Variants in PIK3R5 observed in about 807,000 individuals in gnomAD.
The protein encoded by PIK3R5 is phosphoinositide-3-kinase regulatory subunit 5.
Under a neutral mutation model 94.9 loss-of-function variants are expected in PIK3R5, and 32 were observed. The ratio of observed to expected loss-of-function variants is 0.34; its 90% confidence interval spans 0.25 to 0.45. PIK3R5 has a LOEUF of 0.45. Ranked by LOEUF, PIK3R5 falls within the 20% of genes least tolerant of loss-of-function variation. PIK3R5 has a pLI of 1.00. For missense variants in PIK3R5, 853 were observed against 1,144.6 expected (o/e 0.75, Z 3.68); for synonymous variants, 443 against 479.4 (o/e 0.92, Z 0.99).
At chr17:8,901,277 T>C (rs986808325) in intron 5 of PIK3R5, among the ~76,000 whole-genome samples, 1 of 152,236 alleles carries the variant, frequency 6.6e-6, no homozygotes, top group Non-Finnish European at 1.5e-5. Flanking sequence ...CCTAAGGGTC[T>C]TCCTGATGTC....
chr17:8,948,042 T>TAAAAAAAAAA (rs71135932), intron 1 of PIK3R5, among the ~76,000 whole-genome samples: 43 of 62,718 alleles, frequency 6.9e-4, no homozygotes, highest in African/African-American at 7.4e-4. Context: ...GACTCCGTCT[T>TAAAAAAAAAA]AAAAAAAAAA....
In PIK3R5 at chr17:8,925,665, A is replaced by C. The variant is rs1437181510; in HGVS notation, c.-13-14158T>G. Among the ~76,000 whole-genome samples, 1 of 152,260 alleles carries C rather than the reference A, an allele frequency of 6.6e-6. No homozygotes were observed. Among genetic ancestry groups the C allele is most frequent in the Non-Finnish European group, 1.5e-5 (1 of 68,050 alleles). On this transcript the variant is annotated intron_variant, in intron 1 of 18. Coordinates refer to ENST00000447110, the MANE Select transcript of PIK3R5 (RefSeq NM_001142633.3). The surrounding 1 kb of genome is among the most constrained non-coding windows in gnomAD (Gnocchi z 5.1). The stretch of plus-strand genomic sequence containing the variant: ...TTATGTCTAAATCAGATGGAAATGG[A>C]TTAAGAAAATCCAGGCTTAGGTTCA...
At chr17:8,953,011 T>G (rs983913964) in intron 1 of PIK3R5, among the ~76,000 whole-genome samples, 1 of 152,186 alleles carries the variant, frequency 6.6e-6, no homozygotes, top group South Asian at 2.1e-4. Context: ...GAAGGAGCAT[T>G]CTTGACCAGC....
chr17:8,945,712 A>G lies in PIK3R5; in HGVS notation c.-14+19884T>C, dbSNP rs2091260295. Among the ~76,000 whole-genome samples, 1 of 152,224 alleles carries G rather than the reference A, an allele frequency of 6.6e-6. No individual in the cohort carries two copies. Among genetic ancestry groups the G allele is most frequent in the Admixed American group, 6.5e-5 (1 of 15,278 alleles). On this transcript the variant is annotated intron_variant, in intron 1 of 18. Transcript: ENST00000447110. The surrounding 1 kb of genome is among the most constrained non-coding windows in gnomAD (Gnocchi z 4.0). The stretch of plus-strand genomic sequence containing the variant: ...CCATCCCACCTCTCCTTTACATTAC[A>G]GCCTTGCCACTTCTCCATCAAGAGG...
Position 8,896,537 on chromosome 17 carries a change from G to T in PIK3R5, c.413-2882C>A, listed in dbSNP as rs1420829457. ...AGTCACCCCATACAGGCGAAGAACGGGGTGAGTGGGCAGAACACACTCATA... is the reference window on the plus strand; with the variant it reads ...AGTCACCCCATACAGGCGAAGAACGTGGTGAGTGGGCAGAACACACTCATA... On this transcript the variant is annotated intron_variant, in intron 5 of 18. Coordinates refer to ENST00000447110, the MANE Select transcript of PIK3R5 (RefSeq NM_001142633.3). The surrounding 1 kb of genome is among the most constrained non-coding windows in gnomAD (Gnocchi z 4.0). Among the ~76,000 whole-genome samples the T allele has an allele frequency of 6.6e-6, 1 of 152,178 alleles. No individual in the cohort carries two copies. Among genetic ancestry groups the T allele is most frequent in the Non-Finnish European group, 1.5e-5 (1 of 68,032 alleles).
At position 8,957,695 on chromosome 17, in the gene PIK3R5, T is replaced by C. The variant is rs112434395; in HGVS notation, c.-14+7901A>G. On this transcript the variant is annotated intron_variant, in intron 1 of 18. Coordinates refer to ENST00000447110, the MANE Select transcript of PIK3R5 (RefSeq NM_001142633.3). ...ACCCATGGGACCTAGTGGCTGAACA[T>C]TGGAAGCCAAGAATCAAAGATGGCT... is the stretch of plus-strand genomic sequence containing the variant. 4.6e-3 allele frequency among the ~76,000 whole-genome samples: 695 copies of C among 152,224 alleles called. 8 individuals carry two copies. Among genetic ancestry groups the C allele is most frequent in the African/African-American group, 0.016 (657 of 41,540 alleles).
intron 1 of PIK3R5, among the ~76,000 whole-genome samples, chr17:8,951,405 C>T (rs1030850353): frequency 2.0e-5 from 3 of 152,162 alleles, no homozygotes; most frequent in Admixed American, 6.5e-5. Flanking sequence ...ACTAACTCCC[C>T]GCCACTTCTC....
At chr17:8,947,967 C>A (rs576678069) in intron 1 of PIK3R5, among the ~76,000 whole-genome samples, 1 of 148,966 alleles carries the variant, frequency 6.7e-6, no homozygotes, top group Non-Finnish European at 1.5e-5. Context: ...GGTGTGAACC[C>A]GGGAGGCGGA....
At chr17:8,899,139 A>G (rs1465853238) in intron 5 of PIK3R5, among the ~76,000 whole-genome samples, 3 of 152,250 alleles carry the variant, frequency 2.0e-5, no homozygotes, top group Admixed American at 6.5e-5. Flanking sequence ...TGTGGTGGGC[A>G]GGACCCAGTG....
At position 8,896,420 on chromosome 17, in the gene PIK3R5, A is replaced by G. The variant is rs2090155076; in HGVS notation, c.413-2765T>C. On this transcript the variant is annotated intron_variant, in intron 5 of 18. Transcript: ENST00000447110. The surrounding 1 kb of genome is among the most constrained non-coding windows in gnomAD (Gnocchi z 4.0). ...CAGATGGAAACAACTTTCTGAGTTT[A>G]GCTTCTTAGATCAAGATTGGTGCAA... Among the ~76,000 whole-genome samples, 2 of 152,188 alleles carry G rather than the reference A, an allele frequency of 1.3e-5. No individual in the cohort carries two copies. The highest frequency in any genetic ancestry group is 2.9e-5 in the Non-Finnish European group (2 of 68,028).
At position 8,904,409 on chromosome 17, in the gene PIK3R5, G is replaced by A. The variant is rs117226567; in HGVS notation, c.412+368C>T. ...CTTGTTCCTGGGGCACAGAGAACAT[G>A]CAAAGCCCTCTTGTCAGCATCCTGG... On this transcript the variant is annotated intron_variant, in intron 5 of 18. Coordinates refer to ENST00000447110, the MANE Select transcript of PIK3R5 (RefSeq NM_001142633.3). This position sits in a 1 kb window ranked among gnomAD's most constrained non-coding sequence, Gnocchi z 5.1. 9.3e-4 allele frequency among the ~76,000 whole-genome samples: 142 copies of A among 152,314 alleles called. 1 individual carries two copies. In the East Asian group the frequency reaches 0.026, roughly 28 times the overall value.
chr17:8,936,899 C>T (rs1488922501), intron 1 of PIK3R5, among the ~76,000 whole-genome samples: 1 of 152,124 alleles, frequency 6.6e-6, no homozygotes, highest in African/African-American at 2.4e-5. Flanking sequence ...ACATGGAATA[C>T]CTCTCCATTT....
At chr17:8,940,381 C>T (rs1432466969) in intron 1 of PIK3R5, among the ~76,000 whole-genome samples, 2 of 96,398 alleles carry the variant, frequency 2.1e-5, no homozygotes, top group African/African-American at 9.0e-5. Context: ...TAAGAACAAT[C>T]CCAAAGCAAC....
At chr17:8,953,056 T>C (rs2091404619) in intron 1 of PIK3R5, among the ~76,000 whole-genome samples, 1 of 152,186 alleles carries the variant, frequency 6.6e-6, no homozygotes, top group South Asian at 2.1e-4. Flanking sequence ...TGGACTGTAA[T>C]AGCACAGTGC....
chr17:8,951,143 G>A (rs535928538), intron 1 of PIK3R5, among the ~76,000 whole-genome samples: 1 of 152,254 alleles, frequency 6.6e-6, no homozygotes, highest in South Asian at 2.1e-4. Context: ...GTTTTTAAAT[G>A]GGGTTATTTG....
intron 3 of PIK3R5, among the ~76,000 whole-genome samples, chr17:8,907,347 G>A (rs1351652260): frequency 6.6e-6 from 1 of 151,992 alleles, no homozygotes; most frequent in Non-Finnish European, 1.5e-5. Flanking sequence ...TAGTTTCATT[G>A]TGGACATTCA....
At chr17:8,937,727 T>C (rs1276118052) in intron 1 of PIK3R5, among the ~76,000 whole-genome samples, 4 of 152,226 alleles carry the variant, frequency 2.6e-5, no homozygotes, top group Admixed American at 1.3e-4. Flanking sequence ...GTTTTGGTAT[T>C]AGGTAATGCT....
chr17:8,901,714 G>A (rs550397422), intron 5 of PIK3R5, among the ~76,000 whole-genome samples: 2 of 151,524 alleles, frequency 1.3e-5, no homozygotes, highest in Non-Finnish European at 2.9e-5. Context: ...GTATTGGGGG[G>A]ACTGCTTTTT....
chr17:8,911,314 A>G lies in PIK3R5; in HGVS notation c.103+78T>C. ...TTTCACCTAGAATTTGCCAGTTTCC[A>G]TGCCTGGTCCAGTGCCCACCGTGGC... is the stretch of plus-strand genomic sequence containing the variant. On this transcript the variant is annotated intron_variant, in intron 2 of 18. Coordinates refer to ENST00000447110, the MANE Select transcript of PIK3R5 (RefSeq NM_001142633.3). The surrounding 1 kb of genome is among the most constrained non-coding windows in gnomAD (Gnocchi z 5.3). 2 of 1,144,110 alleles carry G rather than the reference A, an allele frequency of 1.7e-6. No homozygotes were observed. The highest frequency in any genetic ancestry group is 2.5e-4 in the Middle Eastern group (1 of 3,944). The allele number at this position is 1,144,110 out of a possible 1,614,324, so 70.9% of individuals were successfully genotyped here.
Sources: allele counts gnomAD v4.1 joint callset (sites outside exome capture counted in the v4.1 genomes callset), GRCh38; gene constraint gnomAD v4.1.1; non-coding constraint Gnocchi (gnomAD v3.1); transcripts MANE v1.5; gene names NCBI Gene and HGNC (gene_info 2026-07-23, HGNC 2026-07-21).